SETD5: variants seen among roughly 807,000 people sequenced by gnomAD.
The protein encoded by SETD5 is SET domain containing 5.
Under a neutral mutation model 153.3 loss-of-function variants are expected in SETD5, and 44 were observed. That is an observed-to-expected ratio of 0.29 (90% CI 0.23 to 0.37). The LOEUF (loss-of-function observed/expected upper bound fraction) is 0.37. Ranked by LOEUF, SETD5 falls within the 10% of genes least tolerant of loss-of-function variation. SETD5 has a pLI of 1.00. For synonymous variants in SETD5, 716 were observed against 645.2 expected, an observed-to-expected ratio of 1.11 and a Z score of -1.66; for missense variants, 1,544 against 1,768.0, an observed-to-expected ratio of 0.87 and a Z score of 2.27.
chr3:9,470,280 C>G (rs1248282271), intron 18 of SETD5, among the ~76,000 whole-genome samples, 179 bp from the exon 19 acceptor site: 2 of 152,194 alleles, frequency 1.3e-5, no homozygotes, highest in Non-Finnish European at 2.9e-5. Context: ...TTCTTTAGTA[C>G]TCTGGCCCAT....
chr3:9,403,614 A>G lies in SETD5; in HGVS notation c.-177+5637A>G, dbSNP rs1007003459. ...ACTTTTTAATTTCAGCCTCATCCTTAGTTCCTGGAGAACCTGATATTTCCT... is the reference window on the plus strand; with the variant it reads ...ACTTTTTAATTTCAGCCTCATCCTTGGTTCCTGGAGAACCTGATATTTCCT... On this transcript the variant is annotated intron_variant, in intron 1 of 22. Transcript: ENST00000402198. Among the ~76,000 whole-genome samples, 5 of 152,350 alleles carry G rather than the reference A, an allele frequency of 3.3e-5. No individual in the cohort carries two copies. The East Asian group carries it at 9.6e-4, about 29-fold the overall frequency.
rs2033952732 is a variant in SETD5 at position 9,397,992 on chromosome 3, GAA to G, written c.-177+18_-177+19del. 1 of 152,170 alleles carries G rather than the reference GAA, an allele frequency of 6.6e-6. No individual in the cohort carries two copies. The highest frequency in any genetic ancestry group is 1.5e-5 in the Non-Finnish European group (1 of 68,102). The allele number at this position is 152,170 out of a possible 1,614,324, so 9.4% of individuals were successfully genotyped here. On this transcript the variant is annotated intron_variant, in intron 1 of 22. Transcript: ENST00000402198. Reference sequence around the variant, plus strand: ...CCTGGGACAAGGTAAGGGTCCGACAGAAAAGAGACCGAACCTCACGATCGGGC... The same window carrying G: ...CCTGGGACAAGGTAAGGGTCCGACAGAAGAGACCGAACCTCACGATCGGGC...
At chr3:9,467,535 A>T (rs1459304483) in intron 18 of SETD5, among the ~76,000 whole-genome samples, 1 of 152,146 alleles carries the variant, frequency 6.6e-6, no homozygotes, top group African/African-American at 2.4e-5. Flanking sequence ...CATGCCAAGT[A>T]AAATTCACAG....
rs1264546352 is a variant in SETD5 at position 9,470,638 on chromosome 3, C to T, written c.2904C>T (p.Thr968=). The change falls in exon 19 of 23, where the codon ACC becomes ACT. Residue 968 remains threonine, a synonymous_variant. Transcript: ENST00000402198. ...GCAGAAGTGGAGATGGACATCAGAC[C>T]CTCGTGAGAAACTCAGACCAGGCAT... The part of the protein sequence containing the change: ...FPSRSGDGHQ[T]LVRNSDQAFR... 4 of 1,613,792 alleles carry T rather than the reference C, an allele frequency of 2.5e-6. No homozygotes were observed. The highest frequency in any genetic ancestry group is 3.4e-6 in the Non-Finnish European group (4 of 1,179,892).
intron 11 of SETD5, among the ~76,000 whole-genome samples, chr3:9,444,766 A>G (rs375512426): frequency 6.6e-6 from 1 of 151,854 alleles, no homozygotes; most frequent in African/African-American, 2.4e-5. Context: ...AGTCCCAGCT[A>G]CTCAGGAGGC....
chr3:9,408,567 G>A (rs954604813), intron 1 of SETD5, among the ~76,000 whole-genome samples: 3 of 152,164 alleles, frequency 2.0e-5, no homozygotes, highest in South Asian at 4.1e-4. Context: ...TTCGTACTCT[G>A]GATTTTGAAG....
At chr3:9,474,244 C>T (rs931780283) in intron 20 of SETD5, among the ~76,000 whole-genome samples, 2 of 152,070 alleles carry the variant, frequency 1.3e-5, no homozygotes, top group Admixed American at 6.6e-5. Context: ...TCCTTGATTT[C>T]TTTTTCTTTA....
At chr3:9,425,686 G>A (rs1425240086) in intron 2 of SETD5, among the ~76,000 whole-genome samples, 4 of 146,680 alleles carry the variant, frequency 2.7e-5, no homozygotes, top group South Asian at 2.2e-4. Context: ...AACGATTCTC[G>A]TGCCTCAGCC....
At chr3:9,424,253 C>T (rs2038825453) in intron 1 of SETD5, among the ~76,000 whole-genome samples, 1 of 152,138 alleles carries the variant, frequency 6.6e-6, no homozygotes, top group Non-Finnish European at 1.5e-5. Context: ...TAATTTCCTT[C>T]TCTACCATCT....
In SETD5 at chr3:9,453,866, C is replaced by A; in HGVS notation, c.2474C>A (p.Ala825Glu). The part of the protein sequence containing the change: ...SSSSSICKDN[A>E]DLLSPLKKWK... The stretch of plus-strand genomic sequence containing the variant: ...TCTTCTAGTATCTGCAAAGACAATG[C>A]AGGTACGTATCTAAAACCTTTCTGA... Residue 825 changes from alanine (A) to glutamate (E), a missense_variant and splice_region_variant, in exon 17 of 23, where the codon GCA becomes GAA. Transcript: ENST00000402198. 1 of 1,569,282 alleles carries A rather than the reference C, an allele frequency of 6.4e-7. No individual in the cohort carries two copies. Among genetic ancestry groups the A allele is most frequent in the African/African-American group, 1.4e-5 (1 of 72,586 alleles).
chr3:9,442,190 G>A lies in SETD5; in HGVS notation c.1022G>A (p.Arg341His), dbSNP rs778241085. 6 of 1,610,040 alleles carry A rather than the reference G, an allele frequency of 3.7e-6. No individual in the cohort carries two copies. The highest frequency in any genetic ancestry group is 1.1e-5 in the South Asian group (1 of 90,814). ...GGTGTAGAGATGTGTGTGGATGCCC[G>A]TACTTTCGGTAATGATGCTCGGTTC... ...FNGVEMCVDARTFGNDARFIR... is the reference protein window; with the variant it reads ...FNGVEMCVDAHTFGNDARFIR... The change falls in exon 10 of 23, where the codon CGT (arginine) becomes CAT (histidine). Residue 341 changes from arginine to histidine, a missense_variant. Arg to His is a conservative substitution (Grantham distance 29). Transcript: ENST00000402198.
In SETD5 at chr3:9,435,589, T is replaced by C. The variant is rs889973630; in HGVS notation, c.389-139T>C. ...TGTTTTCTTAAGGAAGATGAGTATT[T>C]AACGTTGCTTTACAGATGATAAGAG... On this transcript the variant is annotated intron_variant, in intron 6 of 22. Transcript: ENST00000402198. The C allele has an allele frequency of 1.0e-5, 7 of 677,688 alleles. No individual in the cohort carries two copies. In the Admixed American group the frequency reaches 2.6e-4, roughly 25 times the overall value. The allele number at this position is 677,688 out of a possible 1,614,324, so 42.0% of individuals were successfully genotyped here. A position where few individuals can be genotyped will look rare whatever the true frequency, so the allele number is the denominator to read the frequency against.
intron 1 of SETD5, among the ~76,000 whole-genome samples, chr3:9,412,041 G>A (rs1257086423): frequency 6.6e-6 from 1 of 152,134 alleles, no homozygotes; most frequent in Non-Finnish European, 1.5e-5. Flanking sequence ...ATTATTTGTT[G>A]TGGCTTTAGG....
intron 1 of SETD5, among the ~76,000 whole-genome samples, chr3:9,421,203 T>C (rs1387875150): frequency 1.3e-5 from 2 of 152,182 alleles, no homozygotes; most frequent in South Asian, 2.1e-4. Flanking sequence ...TTGAGGAATT[T>C]AGGGTTCATC....
At chr3:9,457,441 C>T (rs1462852702) in intron 17 of SETD5, among the ~76,000 whole-genome samples, 1 of 151,892 alleles carries the variant, frequency 6.6e-6, no homozygotes, top group Non-Finnish European at 1.5e-5. Flanking sequence ...GAGCTGAGAT[C>T]GCGCCACTGC....
chr3:9,427,857 A>T (rs774642143), intron 2 of SETD5, among the ~76,000 whole-genome samples: 1 of 152,094 alleles, frequency 6.6e-6, no homozygotes, highest in Non-Finnish European at 1.5e-5. Flanking sequence ...CCTCTGCACC[A>T]TACCTCCAAA....
chr3:9,475,092 A>G lies in SETD5; in HGVS notation c.3656A>G (p.Glu1219Gly), dbSNP rs1052957698. ...GACCCTGCAGATGGAGAAGGCCCAG[A>G]GACATTAAGCTCAGCACTCTCTAAA... ...DSDPADGEGP[E>G]TLSSALSKGA... Residue 1219 changes from glutamate (E) to glycine (G), a missense_variant, in exon 22 of 23, where the codon GAG becomes GGG. Physicochemically the swap from Glu to Gly is moderately conservative, Grantham distance 98 (BLOSUM62 -2). Coordinates refer to ENST00000402198, the MANE Select transcript of SETD5 (RefSeq NM_001080517.3). 3.1e-6 allele frequency: 5 copies of G among 1,589,316 alleles called. No individual in the cohort carries two copies. In the African/African-American group the frequency reaches 5.4e-5, roughly 17 times the overall value.
intron 17 of SETD5, among the ~76,000 whole-genome samples, chr3:9,455,387 T>C (rs2043122487): frequency 6.6e-6 from 1 of 151,960 alleles, no homozygotes; most frequent in South Asian, 2.1e-4. Flanking sequence ...ATTACAGGCA[T>C]GAGCCACCAT....
chr3:9,452,328 G>T (rs2042714392), intron 16 of SETD5, among the ~76,000 whole-genome samples: 1 of 152,152 alleles, frequency 6.6e-6, no homozygotes, highest in Non-Finnish European at 1.5e-5. Context: ...TTTCACTCCT[G>T]AGCCTAATTT....
Sources: allele counts gnomAD v4.1 joint callset (sites outside exome capture counted in the v4.1 genomes callset), GRCh38; gene constraint gnomAD v4.1.1; transcripts MANE v1.5; gene names NCBI Gene and HGNC (gene_info 2026-07-23, HGNC 2026-07-21).